The following TIAM1 variants were observed in gnomAD, a reference collection of about 807,000 sequenced individuals.
The protein encoded by TIAM1 is TIAM Rac1 associated GEF 1.
Under a neutral mutation model 163.5 loss-of-function variants are expected in TIAM1, and 65 were observed. The observed-to-expected ratio is 0.40, with a 90% confidence interval of 0.33 to 0.49. The LOEUF (loss-of-function observed/expected upper bound fraction) is 0.49. Ranked by LOEUF, TIAM1 falls within the 20% of genes least tolerant of loss-of-function variation. The pLI is 0.77. For synonymous variants in TIAM1, 833 were observed against 810.1 expected, an observed-to-expected ratio of 1.03 and a Z score of -0.48; for missense variants, 1,789 against 2,044.7, an observed-to-expected ratio of 0.87 and a Z score of 2.41.
chr21:31,214,922 G>A lies in TIAM1; in HGVS notation c.2143-1450C>T, dbSNP rs891437516. ...GATTACAGGCATGAGCCACCACCCC[G>A]GCCAAAAAAACATAATTTTTGTCCA... On this transcript the variant is annotated intron_variant, in intron 9 of 27. Transcript: ENST00000541036. Among the ~76,000 whole-genome samples, 4 of 151,374 alleles carry A rather than the reference G, an allele frequency of 2.6e-5. No individual in the cohort carries two copies. The East Asian group carries it at 5.8e-4, about 22-fold the overall frequency.
intron 2 of TIAM1, among the ~76,000 whole-genome samples, chr21:31,449,584 G>C (rs550020576): frequency 4.0e-5 from 6 of 151,860 alleles, no homozygotes; most frequent in Admixed American, 2.6e-4. Context: ...CACCATGTTG[G>C]TCAGGCTGGT....
intron 2 of TIAM1, among the ~76,000 whole-genome samples, chr21:31,314,445 T>C (rs1003925588): frequency 2.0e-4 from 30 of 152,190 alleles, no homozygotes; most frequent in African/African-American, 7.2e-4. Flanking sequence ...TCAAAGCATT[T>C]AATGAAAAGA....
chr21:31,553,240 G>A (rs1399522579), intron 1 of TIAM1, among the ~76,000 whole-genome samples: 1 of 152,142 alleles, frequency 6.6e-6, no homozygotes, highest in African/African-American at 2.4e-5. Flanking sequence ...ACGGAGCTTG[G>A]GGCCTTAGCA....
chr21:31,138,123 T>C (rs1209217812), intron 22 of TIAM1, among the ~76,000 whole-genome samples: 1 of 152,026 alleles, frequency 6.6e-6, no homozygotes, highest in East Asian at 1.9e-4. Context: ...GCCTCCACCT[T>C]ACTAAGGACT....
intron 3 of TIAM1, among the ~76,000 whole-genome samples, chr21:31,273,616 TAAC>T (rs2073163105): frequency 2.0e-5 from 3 of 152,228 alleles, no homozygotes; most frequent in South Asian, 4.2e-4. Context: ...GCCTGCAAAA[TAAC>T]AACAAGGAAA....
At position 31,223,543 on chromosome 21, in the gene TIAM1, G is replaced by A. The variant is rs753525414; in HGVS notation, c.1858C>T (p.Arg620Cys). The A allele has an allele frequency of 3.1e-6, 5 of 1,613,170 alleles. No individual in the cohort carries two copies. Among genetic ancestry groups the A allele is most frequent in the Non-Finnish European group, 3.4e-6 (4 of 1,179,284 alleles). ...AGGCTGGCTAAATAACAGCGGAAAC[G>A]AAACAGGTCCATTTGGAACTGCTCG... Reference protein sequence around the residue: ...NLEQFQMDLFRFRCYLASLQG... With the variant: ...NLEQFQMDLFCFRCYLASLQG... The change falls in exon 8 of 28, where the codon CGT becomes TGT. Residue 620 changes from arginine to cysteine, a missense_variant. By Grantham distance (180) the Arg-to-Cys change is radical. This residue lies in a region of TIAM1 where 456 missense variants were observed against 586.6 expected (regional missense o/e 0.78). Coordinates refer to ENST00000541036, the MANE Select transcript of TIAM1 (RefSeq NM_001353694.2).
intron 2 of TIAM1, among the ~76,000 whole-genome samples, chr21:31,433,941 G>C (rs2044126026): frequency 6.6e-6 from 1 of 152,044 alleles, no homozygotes; most frequent in Non-Finnish European, 1.5e-5. Flanking sequence ...GGGACCACAG[G>C]CATGTACCAC....
intron 1 of TIAM1, among the ~76,000 whole-genome samples, chr21:31,494,815 C>G (rs1046840078): frequency 6.6e-6 from 1 of 151,788 alleles, no homozygotes; most frequent in Admixed American, 6.6e-5. Flanking sequence ...TGAACTCCAG[C>G]CTGGCGACAG....
chr21:31,211,142 A>G (rs544372310), intron 10 of TIAM1, among the ~76,000 whole-genome samples: 1 of 152,268 alleles, frequency 6.6e-6, no homozygotes, highest in African/African-American at 2.4e-5. Flanking sequence ...CTTTGCTGCC[A>G]TCACTGTATC....
In TIAM1 at chr21:31,182,650, C is replaced by G; in HGVS notation, c.2663-5G>C. On this transcript the variant is annotated splice_region_variant and splice_polypyrimidine_tract_variant and intron_variant, in intron 14 of 27. Transcript: ENST00000541036. ...TCTCATCTCCTGCTTTCAGGCCTGC[C>G]AACGCAAGATGGAAAATTTTTAATT... 6.2e-7 allele frequency: 1 copy of G among 1,607,566 alleles called. No homozygotes were observed. The highest frequency in any genetic ancestry group is 8.5e-7 in the Non-Finnish European group (1 of 1,177,228).
intron 1 of TIAM1, among the ~76,000 whole-genome samples, chr21:31,541,644 T>C (rs2123275961): frequency 6.6e-6 from 1 of 152,284 alleles, no homozygotes; most frequent in East Asian, 1.9e-4. Flanking sequence ...GCTGATGGTG[T>C]AACACTACCT....
intron 5 of TIAM1, among the ~76,000 whole-genome samples, chr21:31,246,441 G>C (rs1230805051): frequency 6.6e-6 from 1 of 152,158 alleles, no homozygotes; most frequent in Non-Finnish European, 1.5e-5. Flanking sequence ...CACTTTAATA[G>C]CAATTATGAG....
At chr21:31,425,391 C>T (rs903988581) in intron 2 of TIAM1, among the ~76,000 whole-genome samples, 12 of 152,126 alleles carry the variant, frequency 7.9e-5, no homozygotes, top group African/African-American at 1.7e-4. Flanking sequence ...CTTCCCAAAA[C>T]GCAGCCCTGC....
At chr21:31,199,103 G>T (rs1444416675) in intron 12 of TIAM1, among the ~76,000 whole-genome samples, 1 of 151,984 alleles carries the variant, frequency 6.6e-6, no homozygotes, top group African/African-American at 2.4e-5. Flanking sequence ...TCAAAAACTG[G>T]ATGAGAAGAT....
chr21:31,396,066 G>C (rs1333246068), intron 2 of TIAM1, among the ~76,000 whole-genome samples: 2 of 152,134 alleles, frequency 1.3e-5, no homozygotes, highest in Non-Finnish European at 2.9e-5. Context: ...TATAATTACA[G>C]CTAGCAGTTA....
At chr21:31,527,635 C>G (rs952086374) in intron 1 of TIAM1, among the ~76,000 whole-genome samples, 1 of 152,002 alleles carries the variant, frequency 6.6e-6, no homozygotes, top group African/African-American at 2.4e-5. Flanking sequence ...TTAAGACATT[C>G]CCAGAGGGAA....
At chr21:31,546,057 T>A (rs2048476033) in intron 1 of TIAM1, among the ~76,000 whole-genome samples, 1 of 134,758 alleles carries the variant, frequency 7.4e-6, no homozygotes, top group Non-Finnish European at 1.6e-5. Flanking sequence ...GAGAAAAAAA[T>A]TGTTTTAATT....
At chr21:31,389,596 A>G (rs1399524842) in intron 2 of TIAM1, among the ~76,000 whole-genome samples, 3 of 152,258 alleles carry the variant, frequency 2.0e-5, no homozygotes. Context: ...GCCACATGCT[A>G]CAACACACTA....
At position 31,426,790 on chromosome 21, in the gene TIAM1, A is replaced by T. The variant is rs561229429; in HGVS notation, c.-369+37193T>A. Among the ~76,000 whole-genome samples the T allele has an allele frequency of 3.9e-5, 6 of 152,304 alleles. No individual in the cohort carries two copies. In the East Asian group the frequency reaches 1.2e-3, roughly 29 times the overall value. On this transcript the variant is annotated intron_variant, in intron 2 of 28. Coordinates refer to the TIAM1 transcript ENST00000286827. The stretch of plus-strand genomic sequence containing the variant: ...AGTCATCAGAACAGCAAGAAAAAGC[A>T]ATTTGTAAGGCCCAGAGCCTCATCA...
Sources: gnomAD v4.1 joint callset for allele counts (sites outside exome capture counted in the v4.1 genomes callset) on GRCh38, gnomAD v4.1.1 for gene constraint, gnomAD v4.1.1 regional missense constraint, MANE v1.5 for transcripts, NCBI Gene and HGNC (gene_info 2026-07-23, HGNC 2026-07-21) for gene names.